HDAC9: variants seen among roughly 807,000 people sequenced by gnomAD.
HDAC9 encodes MEF-2 interacting transcription repressor (MITR) protein.
HDAC9 carries 41 observed loss-of-function variants against 139.4 expected under a neutral mutation model. The observed-to-expected ratio is 0.29, with a 90% confidence interval of 0.23 to 0.38. HDAC9 has a LOEUF of 0.38. Among genes scored for constraint, HDAC9 ranks in the 10% least tolerant of loss-of-function variants. The pLI is 1.00. For synonymous variants in HDAC9, 517 were observed against 476.2 expected (o/e 1.09, Z -1.12); for missense variants, 1,147 against 1,297.0 (o/e 0.88, Z 1.78).
intron 11 of HDAC9, among the ~76,000 whole-genome samples, chr7:18,648,903 A>G (rs957420220): frequency 7.2e-5 from 11 of 152,194 alleles, no homozygotes; most frequent in African/African-American, 2.7e-4. Context: ...GAGATGATAC[A>G]TTCACAAGAT....
At chr7:18,809,774 C>G (rs889707290) in intron 17 of HDAC9, among the ~76,000 whole-genome samples, 5 of 151,884 alleles carry the variant, frequency 3.3e-5, no homozygotes, top group African/African-American at 1.2e-4. Context: ...TAATGGGAAT[C>G]TAAATGGGAA....
Position 18,434,539 on chromosome 7 carries a change from A to G in HDAC9, c.-41-61723A>G, listed in dbSNP as rs147919486. On this transcript the variant is annotated intron_variant, in intron 1 of 3. Coordinates refer to the HDAC9 transcript ENST00000413509. ...CCAGAATCTATAAGGAATTTAATCA[A>G]ATTAACAGGCAAAAAACAACTCTAT... Among the ~76,000 whole-genome samples the G allele has an allele frequency of 2.2e-3, 334 of 152,330 alleles. 2 individuals carry two copies. The highest frequency in any genetic ancestry group is 6.7e-3 in the African/African-American group (278 of 41,578).
chr7:18,390,612 G>A (rs561559475), intron 1 of HDAC9, among the ~76,000 whole-genome samples: 4 of 152,150 alleles, frequency 2.6e-5, no homozygotes, highest in South Asian at 4.1e-4. Flanking sequence ...ATTACTGTAC[G>A]TTGTTCAAAG....
At chr7:18,636,804 G>A (rs1397860987) in intron 8 of HDAC9, among the ~76,000 whole-genome samples, 3 of 152,034 alleles carry the variant, frequency 2.0e-5, no homozygotes, top group African/African-American at 7.2e-5. Context: ...TGTTAGTGCA[G>A]TTATATCTGG....
intron 12 of HDAC9, among the ~76,000 whole-genome samples, chr7:18,690,753 A>C (rs1782614671): frequency 6.6e-6 from 1 of 152,042 alleles, no homozygotes; most frequent in African/African-American, 2.4e-5. Context: ...AGGACAAAGT[A>C]ACCAATTTTG....
chr7:18,094,088 G>A (rs1782341594), intron 1 of HDAC9, among the ~76,000 whole-genome samples: 1 of 152,216 alleles, frequency 6.6e-6, no homozygotes, highest in Non-Finnish European at 1.5e-5. Flanking sequence ...TCAAGGAAGA[G>A]TATGATTGGA....
At chr7:18,327,187 C>T (rs1800519263) in intron 1 of HDAC9, among the ~76,000 whole-genome samples, 1 of 151,554 alleles carries the variant, frequency 6.6e-6, no homozygotes, top group Admixed American at 6.6e-5. Flanking sequence ...TTAATTAGTG[C>T]ATGGAAGGCT....
intron 1 of HDAC9, among the ~76,000 whole-genome samples, chr7:18,406,915 A>G (rs1243189837): frequency 1.3e-5 from 2 of 152,122 alleles, no homozygotes; most frequent in Non-Finnish European, 2.9e-5. Flanking sequence ...TATGTGAGAT[A>G]GGTTCCCAGA....
chr7:18,589,255 G>A (rs1359269297), intron 3 of HDAC9, among the ~76,000 whole-genome samples: 1 of 152,140 alleles, frequency 6.6e-6, no homozygotes, highest in Non-Finnish European at 1.5e-5. Context: ...GCTGGGCAAG[G>A]TGGCTCACAC....
At chr7:18,965,631 C>A (rs1243032484) in intron 24 of HDAC9, among the ~76,000 whole-genome samples, 1 of 152,156 alleles carries the variant, frequency 6.6e-6, no homozygotes, top group African/African-American at 2.4e-5. Flanking sequence ...AGTTTAATTC[C>A]TCTGGGGAAA....
intron 2 of HDAC9, among the ~76,000 whole-genome samples, chr7:18,201,782 CT>C (rs1430556911): frequency 1.3e-5 from 2 of 152,140 alleles, no homozygotes; most frequent in African/African-American, 4.8e-5. Flanking sequence ...TAGTATATTT[CT>C]TTTCCTTGTA....
chr7:18,440,248 G>C (rs1171748672), intron 1 of HDAC9, among the ~76,000 whole-genome samples: 1 of 149,382 alleles, frequency 6.7e-6, no homozygotes, highest in Non-Finnish European at 1.5e-5. Flanking sequence ...GCAGTGGTGC[G>C]ATCTCGGCTC....
chr7:18,984,248 G>C (rs1785147470), intron 25 of HDAC9, among the ~76,000 whole-genome samples: 1 of 151,912 alleles, frequency 6.6e-6, no homozygotes, highest in Non-Finnish European at 1.5e-5. Context: ...ATCCATTTTG[G>C]TAGTAAAAGA....
At chr7:18,274,764 AATT>A (rs1462777599) in intron 2 of HDAC9, among the ~76,000 whole-genome samples, 4 of 152,244 alleles carry the variant, frequency 2.6e-5, no homozygotes, top group African/African-American at 4.8e-5. Flanking sequence ...AGTTGCAGAA[AATT>A]ATTATACTTT....
intron 1 of HDAC9, among the ~76,000 whole-genome samples, chr7:18,311,413 T>C (rs1799311579): frequency 6.6e-6 from 1 of 152,152 alleles, no homozygotes; most frequent in Non-Finnish European, 1.5e-5. Flanking sequence ...TTTTATTATG[T>C]TTAATTTCAG....
At chr7:18,992,421 T>G (rs1786057269) in intron 25 of HDAC9, among the ~76,000 whole-genome samples, 1 of 152,076 alleles carries the variant, frequency 6.6e-6, no homozygotes, top group Non-Finnish European at 1.5e-5. Context: ...AAAATTTACA[T>G]AAAATAAAAA....
intron 1 of HDAC9, among the ~76,000 whole-genome samples, chr7:18,369,686 T>A (rs905099622): frequency 2.0e-5 from 3 of 152,072 alleles, no homozygotes; most frequent in Admixed American, 2.0e-4. Flanking sequence ...AGATATCTAC[T>A]ATTGTTTTTC....
At chr7:18,142,299 C>T (rs914101116) in intron 1 of HDAC9, among the ~76,000 whole-genome samples, 7 of 152,134 alleles carry the variant, frequency 4.6e-5, no homozygotes, top group Non-Finnish European at 1.0e-4. Flanking sequence ...CCTTGAAATA[C>T]GTTGTGTTTC....
intron 21 of HDAC9, among the ~76,000 whole-genome samples, chr7:18,837,703 G>A (rs1051460112): frequency 6.6e-6 from 1 of 151,950 alleles, no homozygotes; most frequent in African/African-American, 2.4e-5. Flanking sequence ...CTTCTATTTT[G>A]TGCCTTTGTT....
Sources: gnomAD v4.1 joint callset for allele counts (sites outside exome capture counted in the v4.1 genomes callset) on GRCh38, gnomAD v4.1.1 for gene constraint, MANE v1.5 for transcripts, NCBI Gene and HGNC (gene_info 2026-07-23, HGNC 2026-07-21) for gene names.